The following CDH8 variants were observed in gnomAD, a reference collection of about 807,000 sequenced individuals.
The protein encoded by CDH8 is cadherin 8.
A neutral mutation model predicts 68.1 loss-of-function variants in CDH8; 17 were observed. The observed-to-expected ratio is 0.25, with a 90% CI of 0.17 to 0.37. The LOEUF is 0.37. Among genes scored for constraint, CDH8 ranks in the 10% least tolerant of loss-of-function variants. The probability of loss-of-function intolerance (pLI) is 1.00; values close to 1 mark genes in which losing one functional copy is unlikely to be tolerated. For synonymous variants in CDH8, 372 were observed against 365.1 expected (o/e 1.02, Z -0.21); for missense variants, 763 against 999.3 (o/e 0.76, Z 3.19).
At chr16:61,655,426 A>T (rs1269111221) in intron 11 of CDH8, 44 bp downstream of exon 11, 1 of 1,601,784 alleles carries the variant, frequency 6.2e-7, no homozygotes, top group Non-Finnish European at 8.5e-7. Context: ...GTCATTTATG[A>T]ATCAGAAAAA....
intron 4 of CDH8, among the ~76,000 whole-genome samples, chr16:61,827,315 G>T (rs1377802205): frequency 2.0e-5 from 3 of 151,848 alleles, no homozygotes; most frequent in African/African-American, 7.2e-5. Context: ...TTTGGAATTT[G>T]ACATGGAGCT....
At chr16:61,795,646 T>C (rs1567474025) in intron 7 of CDH8, among the ~76,000 whole-genome samples, 1 of 152,092 alleles carries the variant, frequency 6.6e-6, no homozygotes, top group Non-Finnish European at 1.5e-5. Flanking sequence ...ACTGTGGAGA[T>C]GAATATCCAA....
intron 2 of CDH8, among the ~76,000 whole-genome samples, chr16:61,967,478 T>A (rs1308926500): frequency 6.6e-6 from 1 of 152,196 alleles, no homozygotes; most frequent in Non-Finnish European, 1.5e-5. Context: ...CAGGAGGATT[T>A]GGGATTTCTT....
chr16:61,710,972 G>GAAAT (rs1596888535), intron 10 of CDH8, among the ~76,000 whole-genome samples: 3 of 152,114 alleles, frequency 2.0e-5, no homozygotes, highest in Non-Finnish European at 4.4e-5. Context: ...GGAAGATGAA[G>GAAAT]AAATCAATAT....
chr16:62,034,669 G>A (rs777585837), intron 1 of CDH8, among the ~76,000 whole-genome samples: 1 of 152,034 alleles, frequency 6.6e-6, no homozygotes. Flanking sequence ...TTAGCAGCTC[G>A]GGCGCGCTAA....
intron 2 of CDH8, chr16:61,937,923 G>A (rs1964652529): frequency 6.6e-6 from 1 of 152,102 alleles, no homozygotes. Flanking sequence ...GACTGGAGAA[G>A]TGCCAGGAGG....
At chr16:61,858,965 A>T (rs535017568) in intron 3 of CDH8, among the ~76,000 whole-genome samples, 1 of 152,184 alleles carries the variant, frequency 6.6e-6, no homozygotes, top group Non-Finnish European at 1.5e-5. Flanking sequence ...GAAAAGCAGC[A>T]TACCTCAGTG....
At chr16:61,709,446 G>A (rs977335123) in intron 10 of CDH8, among the ~76,000 whole-genome samples, 2 of 152,094 alleles carry the variant, frequency 1.3e-5, no homozygotes. Context: ...GCTGGCATGG[G>A]AATCAGGAAA....
chr16:61,761,665 T>TGTACATAACA (rs1206979341), intron 8 of CDH8, among the ~76,000 whole-genome samples: 2 of 152,182 alleles, frequency 1.3e-5, no homozygotes, highest in African/African-American at 4.8e-5. Flanking sequence ...AGCATCTTCC[T>TGTACATAACA]GTGGGTTATG....
chr16:62,012,454 A>T (rs888809438), intron 2 of CDH8, among the ~76,000 whole-genome samples: 2 of 152,170 alleles, frequency 1.3e-5, no homozygotes, highest in African/African-American at 4.8e-5. Flanking sequence ...TTAATTGATG[A>T]GATTGGCCAT....
intron 5 of CDH8, among the ~76,000 whole-genome samples, chr16:61,823,907 A>G (rs1039642989): frequency 4.6e-5 from 7 of 151,838 alleles, no homozygotes; most frequent in Non-Finnish European, 1.0e-4. Flanking sequence ...ATTATTGACT[A>G]TATTTAAGGT....
intron 10 of CDH8, among the ~76,000 whole-genome samples, chr16:61,677,867 C>T (rs1963943884): frequency 6.6e-6 from 1 of 151,914 alleles, no homozygotes; most frequent in Admixed American, 6.6e-5. Context: ...TCAGACATGC[C>T]TCATCATACC....
At chr16:61,675,020 G>A (rs1043054885) in intron 10 of CDH8, among the ~76,000 whole-genome samples, 1 of 151,486 alleles carries the variant, frequency 6.6e-6, no homozygotes, top group East Asian at 1.9e-4. Context: ...CCCAGAAGGG[G>A]AAAGAGGAGG....
intron 2 of CDH8, among the ~76,000 whole-genome samples, chr16:61,921,700 C>A (rs1023949087): frequency 4.6e-5 from 7 of 152,110 alleles, no homozygotes; most frequent in African/African-American, 1.2e-4. Context: ...ATTACAAGTG[C>A]AAAAGAGCAG....
intron 2 of CDH8, among the ~76,000 whole-genome samples, chr16:61,925,264 G>A (rs1964438628): frequency 2.6e-5 from 4 of 152,142 alleles, no homozygotes; most frequent in Non-Finnish European, 5.9e-5. Context: ...TAAATTACAA[G>A]ACAAAATAAA....
intron 3 of CDH8, among the ~76,000 whole-genome samples, chr16:61,858,017 A>T (rs2143016125): frequency 6.6e-6 from 1 of 152,108 alleles, no homozygotes; most frequent in Non-Finnish European, 1.5e-5. Context: ...TAAAAAAAAT[A>T]ACTTCCACCT....
Position 61,768,409 on chromosome 16 carries a change from TCTCTCTCTCTCTCTCTCTCC to T in CDH8, c.1414+20917_1414+20936del. On this transcript the variant is annotated intron_variant, in intron 8 of 11. Coordinates refer to ENST00000577390, the MANE Select transcript of CDH8 (RefSeq NM_001796.5). ...CTCTCTCTCTCCCTTTCTCTCTCTC[TCTCTCTCTCTCTCTCTCTCC>T]CTCTCCCTCTCTCTCTCGCAGTGCC... 6.5e-5 allele frequency among the ~76,000 whole-genome samples: 9 copies of T among 138,582 alleles called. 1 individual carries two copies. Among genetic ancestry groups the T allele is most frequent in the Non-Finnish European group, 1.1e-4 (7 of 64,126 alleles). 90.9% of individuals were successfully genotyped at this position (138,582 alleles called of 152,430 possible). A position where few individuals can be genotyped will look rare whatever the true frequency, so the allele number is the denominator to read the frequency against.
At chr16:61,756,399 A>G (rs576101811) in intron 8 of CDH8, among the ~76,000 whole-genome samples, 2 of 152,344 alleles carry the variant, frequency 1.3e-5, no homozygotes, top group Non-Finnish European at 2.9e-5. Flanking sequence ...AAAATATTAT[A>G]TAGCGGATTA....
In CDH8 at chr16:61,650,671, TTGTGTGTGTGTGTGTGTGTG is replaced by T. The variant is rs138542426; in HGVS notation, c.*2917_*2936del. 1.5e-5 allele frequency: 2 copies of T among 137,888 alleles called. No individual in the cohort carries two copies. The highest frequency in any genetic ancestry group is 2.7e-5 in the African/African-American group (1 of 36,502). 8.5% of individuals were successfully genotyped at this position (137,888 alleles called of 1,614,324 possible). ...AAAATGTGTGTTTTTTATTTGTTTG[TTGTGTGTGTGTGTGTGTGTG>T]TGTGTGTGTGTGTGTGAGAGAGAGA... On this transcript the variant is annotated 3_prime_UTR_variant, in exon 12 of 12. Coordinates refer to ENST00000577390, the MANE Select transcript of CDH8 (RefSeq NM_001796.5).
Sources: allele counts gnomAD v4.1 joint callset (sites outside exome capture counted in the v4.1 genomes callset), GRCh38; gene constraint gnomAD v4.1.1; transcripts MANE v1.5; gene names NCBI Gene and HGNC (gene_info 2026-07-23, HGNC 2026-07-21).